MARK3: variants seen among roughly 807,000 people sequenced by gnomAD.
MARK3 encodes microtubule affinity regulating kinase 3.
In MARK3, 46 loss-of-function variants were observed where a neutral mutation model predicts 90.1. The observed-to-expected ratio is 0.51, with a 90% confidence interval of 0.40 to 0.65. The LOEUF is 0.65. MARK3 is among the 30% of genes least tolerant of loss of function. The probability of loss-of-function intolerance (pLI) is 0.00; values close to 1 mark genes in which losing one functional copy is unlikely to be tolerated. For synonymous variants in MARK3, 321 were observed against 332.6 expected (o/e 0.97, Z 0.38); for missense variants, 818 against 947.2 (o/e 0.86, Z 1.79).
chr14:103,446,375 A>G (rs1310722983), intron 3 of MARK3, among the ~76,000 whole-genome samples: 1 of 151,980 alleles, frequency 6.6e-6, no homozygotes, highest in Non-Finnish European at 1.5e-5. Context: ...AAAATACAAA[A>G]ATTAGCCAGG....
chr14:103,495,909 T>C (rs895867281), intron 15 of MARK3, among the ~76,000 whole-genome samples: 8 of 152,224 alleles, frequency 5.3e-5, no homozygotes, highest in African/African-American at 1.2e-4. Context: ...GCTGAGGTGT[T>C]TGCACTTAGA....
In MARK3 at chr14:103,491,416, C is replaced by T. The variant is rs111923725; in HGVS notation, c.1587-361C>T. ...TTTAGTTGCCTGTTCTTCAGTTACG[C>T]CAGCATATCCTTTATTTCTTTCGTA... On this transcript the variant is annotated intron_variant, in intron 14 of 17. Transcript: ENST00000429436. The T allele has an allele frequency of 1.0e-3, 223 of 219,374 alleles. 1 individual carries two copies. Among genetic ancestry groups the T allele is most frequent in the African/African-American group, 4.8e-3 (207 of 43,098 alleles). The allele number at this position is 219,374 out of a possible 1,614,324, so 13.6% of individuals were successfully genotyped here. A position where few individuals can be genotyped will look rare whatever the true frequency, so the allele number is the denominator to read the frequency against.
chr14:103,467,916 C>T, intron 11 of MARK3, 117 bp from the exon 12 acceptor site: 1 of 980,108 alleles, frequency 1.0e-6, no homozygotes, highest in Non-Finnish European at 1.5e-6. Flanking sequence ...CGTTGTGATT[C>T]CTCCTCTCTC....
chr14:103,497,132 A>G (rs1436777316), intron 15 of MARK3, among the ~76,000 whole-genome samples: 1 of 152,238 alleles, frequency 6.6e-6, no homozygotes, highest in Non-Finnish European at 1.5e-5. Flanking sequence ...AATATTTTGG[A>G]TAATACTGCC....
In MARK3 at chr14:103,468,183, C is replaced by G; in HGVS notation, c.1261C>G (p.His421Asp). ...CCAAAAGCAAAGACGCTACAGTGAC[C>G]ATGGTAAGTTTTGGAGTATCCCAGT... ...SSQKQRRYSD[H>D]AGPAIPSVVA... Residue 421 changes from histidine (H) to aspartate (D), a missense_variant, in exon 12 of 18, where the codon CAT becomes GAT. His to Asp is a moderately conservative substitution (Grantham distance 81). Coordinates refer to ENST00000429436, the MANE Select transcript of MARK3 (RefSeq NM_001128918.3). The G allele has an allele frequency of 6.2e-7, 1 of 1,613,410 alleles. No individual in the cohort carries two copies. Among genetic ancestry groups the G allele is most frequent in the Non-Finnish European group, 8.5e-7 (1 of 1,179,726 alleles).
intron 2 of MARK3, chr14:103,412,433 G>A: frequency 1.7e-6 from 1 of 573,956 alleles, no homozygotes. Flanking sequence ...CAGAGACTCT[G>A]AAGCCAAAAA....
intron 1 of MARK3, 92 bp downstream of exon 1, chr14:103,386,172 G>A (rs2089774787): frequency 2.4e-6 from 3 of 1,226,072 alleles, no homozygotes; most frequent in South Asian, 1.2e-5. Flanking sequence ...CCCCCCAGCC[G>A]AACGCTCTGG....
chr14:103,498,470 A>ATTTTTTTTTTTTTT (rs202211193), intron 15 of MARK3, 32 bp from the exon 16 acceptor site: 5 of 1,052,848 alleles, frequency 4.7e-6, no homozygotes, highest in Non-Finnish European at 1.3e-6. Flanking sequence ...ATTTTTGTTA[A>ATTTTTTTTTTTTTT]TTTTTTTTTT....
In MARK3 at chr14:103,503,241, A is replaced by G. The variant is rs2075769584; in HGVS notation, c.*14A>G. The G allele has an allele frequency of 1.3e-6, 2 of 1,585,090 alleles. 1 individual carries two copies. Among genetic ancestry groups the G allele is most frequent in the East Asian group, 4.5e-5 (2 of 44,480 alleles). On this transcript the variant is annotated 3_prime_UTR_variant, in exon 18 of 18. Coordinates refer to ENST00000429436, the MANE Select transcript of MARK3 (RefSeq NM_001128918.3). Reference sequence around the variant, plus strand: ...CTAAAGCTGTAACCCAGTGATTATGATGTAAATTAAGTAGCAATTAAAGTG... The same window carrying G: ...CTAAAGCTGTAACCCAGTGATTATGGTGTAAATTAAGTAGCAATTAAAGTG...
At chr14:103,498,205 CT>C (rs2075449455) in intron 15 of MARK3, among the ~76,000 whole-genome samples, 1 of 88,868 alleles carries the variant, frequency 1.1e-5, no homozygotes. Flanking sequence ...GAGACTCTGT[CT>C]TTAAAAAAAA....
chr14:103,406,571 A>T (rs1489424047), intron 2 of MARK3, among the ~76,000 whole-genome samples: 2 of 151,706 alleles, frequency 1.3e-5, no homozygotes, highest in African/African-American at 4.8e-5. Flanking sequence ...TGAAACATAT[A>T]TTAGGTGTCT....
intron 14 of MARK3, among the ~76,000 whole-genome samples, chr14:103,483,609 A>G (rs1378749370): frequency 4.6e-5 from 7 of 152,242 alleles, no homozygotes. Context: ...TGTGGGAACA[A>G]TAAAGTTAAT....
In MARK3 at chr14:103,386,080, C is replaced by T; in HGVS notation, c.51C>T (p.Asn17=). The stretch of plus-strand genomic sequence containing the variant: ...CGGTGAATGAACGAGACACTGAAAA[C>T]GTAAGTAACCTGGGCGTTGTAGTTG... The part of the protein sequence containing the change: ...LPTVNERDTE[N]HTSHGDGRQE... Residue 17 remains asparagine (N), a splice_region_variant and synonymous_variant, in exon 1 of 18, where the codon AAC becomes AAT. Coordinates refer to ENST00000429436, the MANE Select transcript of MARK3 (RefSeq NM_001128918.3). The T allele has an allele frequency of 1.2e-6, 2 of 1,614,096 alleles. No individual in the cohort carries two copies. The highest frequency in any genetic ancestry group is 1.7e-6 in the Non-Finnish European group (2 of 1,179,902).
chr14:103,446,710 CTTTTTTTTTTT>C (rs746523547), intron 3 of MARK3, among the ~76,000 whole-genome samples: 35,406 of 99,286 alleles, frequency 0.36, 5,787 homozygotes, highest in Admixed American at 0.44. Flanking sequence ...AGATTGTTGT[CTTTTTTTTTTT>C]TTTTTTTTTT....
intron 2 of MARK3, among the ~76,000 whole-genome samples, chr14:103,407,851 G>A (rs1478931886): frequency 6.6e-6 from 1 of 152,070 alleles, no homozygotes; most frequent in South Asian, 2.1e-4. Flanking sequence ...AAGCCAGCGT[G>A]CCCAACCTTT....
intron 2 of MARK3, among the ~76,000 whole-genome samples, chr14:103,421,420 G>A (rs2092216490): frequency 6.6e-6 from 1 of 152,242 alleles, no homozygotes; most frequent in Middle Eastern, 3.4e-3. Context: ...ATGGAGCAAG[G>A]CATCAGGAAA....
chr14:103,481,693 A>G (rs2093821538), intron 14 of MARK3, among the ~76,000 whole-genome samples: 1 of 150,004 alleles, frequency 6.7e-6, no homozygotes, highest in Middle Eastern at 3.5e-3. Context: ...ATTAAAAACT[A>G]CTAAGAACTT....
chr14:103,479,628 CTTTTTT>C (rs34768749), intron 13 of MARK3, among the ~76,000 whole-genome samples: 1 of 78,238 alleles, frequency 1.3e-5, no homozygotes, highest in African/African-American at 5.3e-5. Context: ...ATACGTATAG[CTTTTTT>C]TTTTTTTTTT....
intron 3 of MARK3, among the ~76,000 whole-genome samples, chr14:103,437,393 CAA>C (rs577184676): frequency 1.4e-5 from 2 of 139,022 alleles, no homozygotes; most frequent in Admixed American, 7.2e-5. Context: ...GACTCCGTCT[CAA>C]AAAAAAAAAA....
Sources: allele counts gnomAD v4.1 joint callset (sites outside exome capture counted in the v4.1 genomes callset), GRCh38; gene constraint gnomAD v4.1.1; transcripts MANE v1.5; gene names NCBI Gene and HGNC (gene_info 2026-07-23, HGNC 2026-07-21).